The following MLLT3 variants were observed in gnomAD, a reference collection of about 807,000 sequenced individuals.
The protein encoded by MLLT3 is protein AF-9.
Under a neutral mutation model 53.2 loss-of-function variants are expected in MLLT3, and 4 were observed. The observed-to-expected ratio is 0.08, with a 90% confidence interval of 0.04 to 0.17. The LOEUF is 0.17. Among genes scored for constraint, MLLT3 ranks in the 10% least tolerant of loss-of-function variants. The pLI is 1.00. For missense variants in MLLT3, 569 were observed against 684.0 expected (o/e 0.83, Z 1.87); for synonymous variants, 283 against 230.6 (o/e 1.23, Z -2.06).
intron 5 of MLLT3, among the ~76,000 whole-genome samples, chr9:20,368,575 T>C (rs1030717801): frequency 5.9e-5 from 9 of 152,234 alleles, no homozygotes; most frequent in Admixed American, 2.0e-4. Context: ...ACATGAAACA[T>C]TACTCATTTG....
rs565929721 is a variant in MLLT3 at position 20,443,797 on chromosome 9, G to A, written c.420+4326C>T. Among the ~76,000 whole-genome samples, 3 of 152,270 alleles carry A rather than the reference G, an allele frequency of 2.0e-5. No homozygotes were observed. The South Asian group carries it at 6.2e-4, about 32-fold the overall frequency. The stretch of plus-strand genomic sequence containing the variant: ...TATCTACTATGTGCCATACACCATG[G>A]TTACACGTTCCCTATGAGGAAAACA... On this transcript the variant is annotated intron_variant, in intron 4 of 10. Transcript: ENST00000380338.
intron 5 of MLLT3, among the ~76,000 whole-genome samples, chr9:20,388,924 C>G (rs1167475714): frequency 3.9e-5 from 6 of 152,132 alleles, no homozygotes; most frequent in Admixed American, 3.3e-4. Flanking sequence ...TCAGCCTTCT[C>G]AAGATGCTCT....
intron 4 of MLLT3, among the ~76,000 whole-genome samples, chr9:20,425,488 A>G (rs1369673605): frequency 6.6e-6 from 1 of 152,042 alleles, no homozygotes; most frequent in Non-Finnish European, 1.5e-5. Flanking sequence ...CTTTTCATGC[A>G]CTCATTTGCA....
At chr9:20,507,218 C>T (rs998619037) in intron 2 of MLLT3, among the ~76,000 whole-genome samples, 1 of 152,126 alleles carries the variant, frequency 6.6e-6, no homozygotes, top group Non-Finnish European at 1.5e-5. Flanking sequence ...CAAGTTCCAC[C>T]GATATCTACC....
At chr9:20,420,079 G>C (rs1822969460) in intron 4 of MLLT3, among the ~76,000 whole-genome samples, 1 of 150,198 alleles carries the variant, frequency 6.7e-6, no homozygotes, top group African/African-American at 2.5e-5. Context: ...ATAAAAATTG[G>C]ATTATGAGCA....
At chr9:20,420,702 G>A (rs189495394) in intron 4 of MLLT3, among the ~76,000 whole-genome samples, 14 of 150,884 alleles carry the variant, frequency 9.3e-5, no homozygotes, top group Admixed American at 3.3e-4. Context: ...TTTCTATCTC[G>A]TTTTTTTTTA....
intron 2 of MLLT3, among the ~76,000 whole-genome samples, chr9:20,573,776 T>C (rs1251370949): frequency 6.6e-6 from 1 of 152,214 alleles, no homozygotes; most frequent in Non-Finnish European, 1.5e-5. Context: ...CAGTAACTAA[T>C]TATTGAGCTG....
At chr9:20,458,245 T>C (rs1399926240) in intron 2 of MLLT3, among the ~76,000 whole-genome samples, 4 of 152,222 alleles carry the variant, frequency 2.6e-5, no homozygotes, top group South Asian at 2.1e-4. Context: ...GAGTTCCTTA[T>C]GACCATATTT....
intron 2 of MLLT3, among the ~76,000 whole-genome samples, chr9:20,524,556 CATT>C (rs1439478163): frequency 6.6e-6 from 1 of 152,118 alleles, no homozygotes; most frequent in East Asian, 1.9e-4. Context: ...CTCGGGCTCT[CATT>C]GTGTTACCAG....
chr9:20,442,363 G>A (rs2118836638), intron 4 of MLLT3, among the ~76,000 whole-genome samples: 1 of 152,212 alleles, frequency 6.6e-6, no homozygotes, highest in South Asian at 2.1e-4. Context: ...TCTACTCTAA[G>A]GAATTTATCC....
chr9:20,595,238 G>A (rs1820229045), intron 2 of MLLT3, among the ~76,000 whole-genome samples: 1 of 152,060 alleles, frequency 6.6e-6, no homozygotes. Context: ...ATGGAGGTGT[G>A]TGCCTGTGGA....
At chr9:20,536,866 C>A (rs1162538586) in intron 2 of MLLT3, among the ~76,000 whole-genome samples, 14 of 147,112 alleles carry the variant, frequency 9.5e-5, no homozygotes, top group Non-Finnish European at 1.8e-4. Context: ...AAAAAAAAAA[C>A]TGCCAACAAG....
At chr9:20,588,740 G>T (rs1587105863) in intron 2 of MLLT3, among the ~76,000 whole-genome samples, 2 of 152,116 alleles carry the variant, frequency 1.3e-5, no homozygotes, top group Non-Finnish European at 2.9e-5. Flanking sequence ...AGGAGATTTT[G>T]GGCTGAGACA....
intron 2 of MLLT3, among the ~76,000 whole-genome samples, chr9:20,492,234 T>C (rs1824965070): frequency 6.6e-6 from 1 of 152,044 alleles, no homozygotes; most frequent in Non-Finnish European, 1.5e-5. Flanking sequence ...CATATATCTA[T>C]TTAGATTTTT....
chr9:20,518,175 A>G (rs1024243374), intron 2 of MLLT3, among the ~76,000 whole-genome samples: 26 of 152,082 alleles, frequency 1.7e-4, no homozygotes, highest in African/African-American at 6.0e-4. Context: ...GTGAAACCTC[A>G]TATCTACTAA....
chr9:20,477,266 T>C (rs923307965), intron 2 of MLLT3, among the ~76,000 whole-genome samples: 1 of 152,174 alleles, frequency 6.6e-6, no homozygotes, highest in African/African-American at 2.4e-5. Flanking sequence ...TTTGTCATGA[T>C]TGGAAATTTC....
chr9:20,353,189 C>G (rs1330762312), intron 10 of MLLT3, among the ~76,000 whole-genome samples: 1 of 152,178 alleles, frequency 6.6e-6, no homozygotes, highest in Non-Finnish European at 1.5e-5. Flanking sequence ...AAACCAGAAG[C>G]CTGGCCCCAA....
intron 2 of MLLT3, among the ~76,000 whole-genome samples, chr9:20,477,579 TA>T (rs1186002956): frequency 6.6e-6 from 1 of 152,120 alleles, no homozygotes; most frequent in African/African-American, 2.4e-5. Flanking sequence ...GGGAAAATTT[TA>T]AATTAATAAA....
Position 20,452,224 on chromosome 9 carries a change from C to A in MLLT3, c.277-3958G>T, listed in dbSNP as rs142472180. 5.0e-3 allele frequency among the ~76,000 whole-genome samples: 758 copies of A among 152,310 alleles called. 7 individuals are homozygous for A. Among genetic ancestry groups the A allele is most frequent in the African/African-American group, 0.016 (674 of 41,570 alleles). ...GGTTTGGCTGTGCCTCCACCCAAATCTCATCTTGAATTGTGGTTCCCATAA... is the reference window on the plus strand; with the variant it reads ...GGTTTGGCTGTGCCTCCACCCAAATATCATCTTGAATTGTGGTTCCCATAA... On this transcript the variant is annotated intron_variant, in intron 3 of 10. Coordinates refer to ENST00000380338, the MANE Select transcript of MLLT3 (RefSeq NM_004529.4).
Sources: allele counts gnomAD v4.1 joint callset (sites outside exome capture counted in the v4.1 genomes callset), GRCh38; gene constraint gnomAD v4.1.1; transcripts MANE v1.5; gene names NCBI Gene and HGNC (gene_info 2026-07-23, HGNC 2026-07-21).